C3orf85: variants seen among roughly 807,000 people sequenced by gnomAD.
The protein encoded by C3orf85 is uncharacterized protein C3orf85.
A neutral mutation model predicts 1.7 loss-of-function variants in C3orf85; 1 was observed. The observed-to-expected ratio is 0.60, with a 90% confidence interval of 0.21 to 2.86. The LOEUF (loss-of-function observed/expected upper bound fraction) is 2.86. Ranked by LOEUF, C3orf85 falls within the 30% of genes most tolerant of loss-of-function variation. The probability of loss-of-function intolerance (pLI) is 0.22; values close to 1 mark genes in which losing one functional copy is unlikely to be tolerated. For missense variants in C3orf85, 29 were observed against 21.3 expected (o/e 1.36, Z -0.72); for synonymous variants, 17 against 8.0 (o/e 2.13, Z -1.90).
intron 2 of C3orf85, among the ~76,000 whole-genome samples, chr3:109,137,445 C>T (rs9288887): frequency 0.8 from 120,827 of 151,452 alleles, 48,956 homozygotes; most frequent in East Asian, 0.93. Context: ...AAACTGAAAA[C>T]ACTTACAAAG....
intron 1 of C3orf85, 34 bp downstream of exon 1, chr3:109,136,775 A>C: frequency 2.5e-6 from 1 of 401,786 alleles, no homozygotes; most frequent in Non-Finnish European, 4.4e-6. Flanking sequence ...TCTGAAAAGT[A>C]CCTGATATAC....
chr3:109,146,562 A>G lies in C3orf85; in HGVS notation c.50-1691A>G, dbSNP rs182209863. Reference sequence around the variant, plus strand: ...CATCTGAAGGCTTGACTGGAGCAAAAACATCAGGTTCCCAGATGGCTCGCT... The same window carrying G: ...CATCTGAAGGCTTGACTGGAGCAAAGACATCAGGTTCCCAGATGGCTCGCT... On this transcript the variant is annotated intron_variant, in intron 2 of 3. Transcript: ENST00000622536. 2.0e-5 allele frequency among the ~76,000 whole-genome samples: 3 copies of G among 152,276 alleles called. No individual in the cohort carries two copies. The East Asian group carries it at 5.8e-4, about 29-fold the overall frequency.
At chr3:109,138,843 T>TA (rs1199192191) in intron 2 of C3orf85, among the ~76,000 whole-genome samples, 8 of 152,182 alleles carry the variant, frequency 5.3e-5, no homozygotes, top group South Asian at 2.1e-4. Flanking sequence ...TGATTTGATT[T>TA]AAAAAATAAG....
intron 2 of C3orf85, among the ~76,000 whole-genome samples, chr3:109,138,997 G>T (rs1407616788): frequency 1.3e-5 from 2 of 152,176 alleles, no homozygotes; most frequent in Non-Finnish European, 2.9e-5. Flanking sequence ...CCTTTTATGT[G>T]TCAGGGACTT....
At chr3:109,149,634 G>T (rs182056857) in intron 3 of C3orf85, 171 bp from the exon 4 acceptor site, 125 of 372,096 alleles carry the variant, frequency 3.4e-4, no homozygotes, top group Non-Finnish European at 5.4e-4. Context: ...AAATATCTGA[G>T]TATTGAAATA....
chr3:109,149,977 C>T lies in C3orf85; in HGVS notation c.*83C>T. 2.5e-6 allele frequency: 1 copy of T among 395,650 alleles called. No homozygotes were observed. The highest frequency in any genetic ancestry group is 4.5e-6 in the Non-Finnish European group (1 of 223,958). The allele number at this position is 395,650 out of a possible 1,614,324, so 24.5% of individuals were successfully genotyped here. A position where few individuals can be genotyped will look rare whatever the true frequency, so the allele number is the denominator to read the frequency against. On this transcript the variant is annotated 3_prime_UTR_variant, in exon 4 of 4. Transcript: ENST00000622536. ...TGCCAAAACCATGGGTTTTAGAGATCTGAGGGTATATCCATGCTGTTTACT... is the reference window on the plus strand; with the variant it reads ...TGCCAAAACCATGGGTTTTAGAGATTTGAGGGTATATCCATGCTGTTTACT...
Position 109,149,970 on chromosome 3 carries a change from T to C in C3orf85, c.*76T>C, listed in dbSNP as rs1706850451. 2 of 396,358 alleles carry C rather than the reference T, an allele frequency of 5.0e-6. No individual in the cohort carries two copies. The highest frequency in any genetic ancestry group is 8.9e-6 in the Non-Finnish European group (2 of 224,378). 24.6% of individuals were successfully genotyped at this position (396,358 alleles called of 1,614,324 possible). A position where few individuals can be genotyped will look rare whatever the true frequency, so the allele number is the denominator to read the frequency against. On this transcript the variant is annotated 3_prime_UTR_variant, in exon 4 of 4. Transcript: ENST00000622536. Reference sequence around the variant, plus strand: ...GGCATTGTGCCAAAACCATGGGTTTTAGAGATCTGAGGGTATATCCATGCT... The same window carrying C: ...GGCATTGTGCCAAAACCATGGGTTTCAGAGATCTGAGGGTATATCCATGCT...
At chr3:109,137,670 A>T (rs1018336272) in intron 2 of C3orf85, among the ~76,000 whole-genome samples, 16 of 59,314 alleles carry the variant, frequency 2.7e-4, no homozygotes, top group South Asian at 6.8e-4. Context: ...TATATATATA[A>T]AATAAGCCTT....
intron 2 of C3orf85, among the ~76,000 whole-genome samples, chr3:109,144,567 T>C (rs2107835202): frequency 6.6e-6 from 1 of 152,236 alleles, no homozygotes; most frequent in Non-Finnish European, 1.5e-5. Context: ...AACCAAAAGG[T>C]AAAAGACTTA....
chr3:109,150,032 G>T lies in C3orf85; in HGVS notation c.*138G>T, dbSNP rs1706851560. 5.5e-6 allele frequency: 2 copies of T among 361,942 alleles called. No individual in the cohort carries two copies. Among genetic ancestry groups the T allele is most frequent in the Non-Finnish European group, 4.9e-6 (1 of 203,574 alleles). The allele number at this position is 361,942 out of a possible 1,614,324, so 22.4% of individuals were successfully genotyped here. On this transcript the variant is annotated 3_prime_UTR_variant, in exon 4 of 4. Coordinates refer to ENST00000622536, the MANE Select transcript of C3orf85 (RefSeq NM_001351622.2). ...TATTTATTATGTCTGTCTCAAAGTT[G>T]TTGAAAACAGTAGTTATGAAAACCC...
chr3:109,145,726 AG>A (rs1459036935), intron 2 of C3orf85, among the ~76,000 whole-genome samples: 1 of 152,244 alleles, frequency 6.6e-6, no homozygotes, highest in Non-Finnish European at 1.5e-5. Context: ...TTAATTATTT[AG>A]AGTAAAGCCC....
At chr3:109,145,184 A>G (rs1706784921) in intron 2 of C3orf85, among the ~76,000 whole-genome samples, 1 of 152,026 alleles carries the variant, frequency 6.6e-6, no homozygotes, top group African/African-American at 2.4e-5. Flanking sequence ...TCTTCCTTTT[A>G]CTATCTGTCC....
chr3:109,150,598 A>AT lies in C3orf85; in HGVS notation c.*710dup, dbSNP rs1212125267. On this transcript the variant is annotated 3_prime_UTR_variant, in exon 4 of 4. Coordinates refer to ENST00000622536, the MANE Select transcript of C3orf85 (RefSeq NM_001351622.2). ...ACTCACTGGCCAGGCACATTTTATA[A>AT]TTTTTTCAATTAAAACTGAAAAATT... 1 of 152,088 alleles carries AT rather than the reference A, an allele frequency of 6.6e-6. No individual in the cohort carries two copies. Among genetic ancestry groups the AT allele is most frequent in the Non-Finnish European group, 1.5e-5 (1 of 68,004 alleles). The allele number at this position is 152,088 out of a possible 1,614,324, so 9.4% of individuals were successfully genotyped here.
chr3:109,137,639 A>G (rs9288888), intron 2 of C3orf85, among the ~76,000 whole-genome samples: 1,337 of 54,002 alleles, frequency 0.025, 15 homozygotes, highest in African/African-American at 0.034. Context: ...GTGTGTGTGT[A>G]TATATATATA....
intron 2 of C3orf85, among the ~76,000 whole-genome samples, chr3:109,140,202 ATGT>A (rs1258377966): frequency 2.0e-5 from 3 of 152,238 alleles, no homozygotes; most frequent in Admixed American, 1.3e-4. Flanking sequence ...GGAAAAAAAA[ATGT>A]TGTTGTAGGA....
intron 2 of C3orf85, among the ~76,000 whole-genome samples, chr3:109,147,724 C>T (rs1706815791): frequency 6.6e-6 from 1 of 152,062 alleles, no homozygotes; most frequent in Non-Finnish European, 1.5e-5. Context: ...TGCCAAACCA[C>T]AGTGTCAGGT....
intron 3 of C3orf85, 169 bp downstream of exon 3, chr3:109,148,555 A>T: frequency 1.8e-6 from 1 of 558,244 alleles, no homozygotes; most frequent in Non-Finnish European, 3.2e-6. Flanking sequence ...TGCCTGGTAA[A>T]CTCTGCCTCT....
rs751674362 is a variant in C3orf85, at chr3:109,137,637, G to GTGTGTGTATATA, written c.49+742_49+743insGTGTGTATATAT. 3.0e-3 allele frequency among the ~76,000 whole-genome samples: 238 copies of GTGTGTGTATATA among 79,908 alleles called. 3 individuals are homozygous for GTGTGTGTATATA. The highest frequency in any genetic ancestry group is 3.8e-3 in the Non-Finnish European group (145 of 37,744). The allele number at this position is 79,908 out of a possible 152,430, so 52.4% of individuals were successfully genotyped here. On this transcript the variant is annotated intron_variant, in intron 2 of 3. Transcript: ENST00000622536. ...TGTATATATGTGTGTGTGTGTGTGT[G>GTGTGTGTATATA]TATATATATATATATATATATATAT...
intron 2 of C3orf85, among the ~76,000 whole-genome samples, chr3:109,138,221 T>C (rs1236808899): frequency 6.6e-6 from 1 of 152,176 alleles, no homozygotes; most frequent in Non-Finnish European, 1.5e-5. Flanking sequence ...AAAAAAATAA[T>C]AAAGTTATCT....
Sources: gnomAD v4.1 joint callset for allele counts (sites outside exome capture counted in the v4.1 genomes callset) on GRCh38, gnomAD v4.1.1 for gene constraint, MANE v1.5 for transcripts, NCBI Gene and HGNC (gene_info 2026-07-23, HGNC 2026-07-21) for gene names.